DPEP2: variants seen among roughly 807,000 people sequenced by gnomAD.
DPEP2 encodes the protein dipeptidase 2.
In DPEP2, 45 loss-of-function variants were observed where a neutral mutation model predicts 51.8. The ratio of observed to expected loss-of-function variants is 0.87; its 90% CI spans 0.68 to 1.11. The LOEUF (loss-of-function observed/expected upper bound fraction) is 1.11, where lower values mean the gene tolerates loss of function less well. Ranked by LOEUF, DPEP2 falls within the 50% of genes most tolerant of loss-of-function variation. The pLI is 0.00. For missense variants in DPEP2, 604 were observed against 631.9 expected (o/e 0.96, Z 0.47); for synonymous variants, 255 against 262.7 (o/e 0.97, Z 0.28).
intron 1 of DPEP2, among the ~76,000 whole-genome samples, chr16:67,996,985 A>C (rs2032732113): frequency 6.8e-6 from 1 of 146,220 alleles, no homozygotes; most frequent in African/African-American, 2.5e-5. Context: ...CTGTCTGTAA[A>C]AAAATAGATA....
intron 1 of DPEP2, chr16:67,994,036 G>A (rs1191007281): frequency 3.6e-5 from 35 of 985,458 alleles, no homozygotes; most frequent in Non-Finnish European, 4.0e-5. Flanking sequence ...AGGGATGAGA[G>A]CGCAGCAAGC....
At position 67,991,910 on chromosome 16, in the gene DPEP2, A is replaced by G. The variant is rs750368497; in HGVS notation, c.590T>C (p.Leu197Pro). The G allele has an allele frequency of 6.2e-7, 1 of 1,614,084 alleles. No homozygotes were observed. The highest frequency in any genetic ancestry group is 8.5e-7 in the Non-Finnish European group (1 of 1,180,010). Residue 197 changes from leucine (L) to proline (P), a missense_variant, in exon 5 of 11, where the codon CTC (leucine) becomes CCC (proline). Transcript: ENST00000393847. The surrounding 1 kb of genome is among the most constrained non-coding windows in gnomAD (Gnocchi z 5.1). Reference sequence around the variant, plus strand: ...CATGTAGAAGGTACGTAAGATGGAGAGGCTATTGTCCAGCGAGTGGCCACC... The same window carrying G: ...CATGTAGAAGGTACGTAAGATGGAGGGGCTATTGTCCAGCGAGTGGCCACC... Reference protein sequence around the residue: ...VEGGHSLDNSLSILRTFYMLG... With the variant: ...VEGGHSLDNSPSILRTFYMLG...
chr16:67,994,639 G>C (rs1435514148), intron 1 of DPEP2: 1 of 983,934 alleles, frequency 1.0e-6, no homozygotes, highest in Non-Finnish European at 1.2e-6. Flanking sequence ...CACGTGGCAG[G>C]GCTGATCAGT....
intron 1 of DPEP2, among the ~76,000 whole-genome samples, chr16:67,996,073 C>T (rs1022449183): frequency 1.3e-5 from 2 of 152,084 alleles, no homozygotes; most frequent in Non-Finnish European, 2.9e-5. Flanking sequence ...AGGTCTTGCT[C>T]TGTCACCCAG....
chr16:67,992,227 G>A, intron 3 of DPEP2, 34 bp from the exon 4 acceptor site: 1 of 1,609,526 alleles, frequency 6.2e-7, no homozygotes, highest in African/African-American at 1.3e-5. Flanking sequence ...CTTGGATGGG[G>A]GCTGCTTTGG....
Position 67,989,393 on chromosome 16 carries a change from A to C in DPEP2, c.1000T>G (p.Phe334Val), listed in dbSNP as rs1235351787. The C allele has an allele frequency of 6.2e-7, 1 of 1,614,156 alleles. No individual in the cohort carries two copies. The highest frequency in any genetic ancestry group is 1.7e-5 in the Admixed American group (1 of 60,012). The change falls in exon 9 of 11, where the codon TTC (phenylalanine) becomes GTC (valine). Residue 334 changes from phenylalanine (F) to valine (V), a missense_variant. Transcript: ENST00000393847. The stretch of plus-strand genomic sequence containing the variant: ...CCAATGACAGCCTTGATGTGGTCGA[A>C]GTGATCTGGGGAGGGGGAAGGTGGA... ...SANVSTVADH[F>V]DHIKAVIGSK...
At chr16:67,988,118 C>A in intron 9 of DPEP2, 131 bp from the exon 10 acceptor site, 2 of 1,128,950 alleles carry the variant, frequency 1.8e-6, no homozygotes, top group Non-Finnish European at 2.5e-6. Context: ...GTAGGTAATT[C>A]TCCTCTGCTC....
rs73596357 is a variant in DPEP2 at position 67,991,453 on chromosome 16, C to T, written c.663-269G>A. Among the ~76,000 whole-genome samples the T allele has an allele frequency of 4.8e-3, 723 of 151,570 alleles. 6 individuals carry two copies. The highest frequency in any genetic ancestry group is 0.017 in the African/African-American group (684 of 41,286). On this transcript the variant is annotated intron_variant, in intron 5 of 10. Coordinates refer to ENST00000393847, the MANE Select transcript of DPEP2 (RefSeq NM_022355.4). This position sits in a 1 kb window ranked among gnomAD's most constrained non-coding sequence, Gnocchi z 5.1. ...GGTGCTGTCGTGCCATCTCAGCTCACTGAAACCTGCACCTCCTGGGTTCAA... is the reference window on the plus strand; with the variant it reads ...GGTGCTGTCGTGCCATCTCAGCTCATTGAAACCTGCACCTCCTGGGTTCAA...
At position 67,992,082 on chromosome 16, in the gene DPEP2, G is replaced by A; in HGVS notation, c.502C>T (p.Leu168Phe). Residue 168 changes from leucine (L) to phenylalanine (F), a missense_variant, in exon 4 of 11, where the codon CTT becomes TTT. Physicochemically the swap from Leu to Phe is conservative, Grantham distance 22. Coordinates refer to ENST00000393847, the MANE Select transcript of DPEP2 (RefSeq NM_022355.4). The part of the protein sequence containing the change: ...RMCASYSELE[L>F]VTSAKALNDT... ...TGCCTACCTTTAGCCGAGGTCACAA[G>A]CTCCAGCTCAGAATAGGAGGCACAC... 1.9e-6 allele frequency: 3 copies of A among 1,614,170 alleles called. No homozygotes were observed. Among genetic ancestry groups the A allele is most frequent in the Non-Finnish European group, 1.7e-6 (2 of 1,180,036 alleles).
At chr16:67,992,837 G>A (rs1053128160) in intron 2 of DPEP2, 113 bp downstream of exon 2, 2 of 1,483,634 alleles carry the variant, frequency 1.3e-6, no homozygotes, top group Middle Eastern at 1.8e-4. Flanking sequence ...ACGGGAGAGA[G>A]GGCATCCAGG....
chr16:67,999,610 G>C, upstream of DPEP2: 1 of 538,776 alleles, frequency 1.9e-6, no homozygotes, highest in Middle Eastern at 9.5e-4. Context: ...AGCCCACGAT[G>C]CCTGGCCTGT....
At chr16:67,995,446 G>A (rs2032636025) in intron 1 of DPEP2, among the ~76,000 whole-genome samples, 1 of 152,088 alleles carries the variant, frequency 6.6e-6, no homozygotes, top group African/African-American at 2.4e-5. Flanking sequence ...GGGTGGTTTG[G>A]GTACCCCAAC....
rs1567447690 is a variant in DPEP2, at chr16:67,992,093, G to T, written c.491C>A (p.Ser164Tyr). Residue 164 changes from serine to tyrosine, a missense_variant, in exon 4 of 11, where the codon TCT becomes TAT. Transcript: ENST00000393847. ...DLIRRMCASY[S>Y]ELELVTSAKA... ...AGCCGAGGTCACAAGCTCCAGCTCA[G>T]AATAGGAGGCACACATGCGGCGTAT... 1 of 1,614,170 alleles carries T rather than the reference G, an allele frequency of 6.2e-7. No individual in the cohort carries two copies. Among genetic ancestry groups the T allele is most frequent in the Non-Finnish European group, 8.5e-7 (1 of 1,180,032 alleles).
In DPEP2 at chr16:67,991,969, G is replaced by A; in HGVS notation, c.531C>T (p.Asp177=). The stretch of plus-strand genomic sequence containing the variant: ...CGATGAGGCAGGCCAATTTCTGAGT[G>A]TCGTTCAGAGCTGGGGGCAGGTAGG... ...ELVTSAKALN[D]TQKLACLIGV... is the part of the protein sequence containing the mutation. Residue 177 remains aspartate, a synonymous_variant, in exon 5 of 11, where the codon GAC becomes GAT. Coordinates refer to ENST00000393847, the MANE Select transcript of DPEP2 (RefSeq NM_022355.4). This position sits in a 1 kb window ranked among gnomAD's most constrained non-coding sequence, Gnocchi z 5.1. 6.2e-7 allele frequency: 1 copy of A among 1,614,220 alleles called. No homozygotes were observed. Among genetic ancestry groups the A allele is most frequent in the Non-Finnish European group, 8.5e-7 (1 of 1,180,038 alleles).
rs1598252011 is a variant in DPEP2, at chr16:67,987,679, G to T, written c.1288C>A (p.Leu430Ile). Residue 430 changes from leucine (L) to isoleucine (I), a missense_variant, in exon 11 of 11, where the codon CTC (leucine) becomes ATC (isoleucine). Coordinates refer to ENST00000393847, the MANE Select transcript of DPEP2 (RefSeq NM_022355.4). ...EQLSSSCHSD[L>I]SRLRQRQSLT... is the part of the protein sequence containing the mutation. ...CTCTGTCTCTGACGCAGACGTGAGA[G>T]GTCGGAGTGGCAGGAACTGCTCAGC... 4 of 1,614,204 alleles carry T rather than the reference G, an allele frequency of 2.5e-6. No homozygotes were observed. The highest frequency in any genetic ancestry group is 3.4e-6 in the Non-Finnish European group (4 of 1,180,036).
chr16:67,999,960 G>A (rs1181756443), upstream of DPEP2, among the ~76,000 whole-genome samples: 4 of 152,128 alleles, frequency 2.6e-5, no homozygotes, highest in African/African-American at 9.7e-5. Context: ...TTCTTCCGTG[G>A]CTTCTCATTG....
rs759825248 is a variant in DPEP2, at chr16:67,987,941, C to G, written c.1117G>C (p.Glu373Gln). ...EDVSTYPVLI[E>Q]ELLSRGWSEE... ...CTCCAGCCACGACTCAGCAACTCCT[C>G]TATCAGGACCGGGTATGTGGACACG... Residue 373 changes from glutamate (E) to glutamine (Q), a missense_variant, in exon 10 of 11, where the codon GAG (glutamate) becomes CAG (glutamine). By Grantham distance (29) the Glu-to-Gln change is conservative. Transcript: ENST00000393847. 6.2e-7 allele frequency: 1 copy of G among 1,614,182 alleles called. No individual in the cohort carries two copies. Among genetic ancestry groups the G allele is most frequent in the Non-Finnish European group, 8.5e-7 (1 of 1,180,040 alleles).
upstream of DPEP2, among the ~76,000 whole-genome samples, chr16:68,000,128 C>G (rs1011877050): frequency 1.3e-5 from 2 of 152,182 alleles, no homozygotes; most frequent in African/African-American, 4.8e-5. Context: ...GGCACAACCT[C>G]AGCCTCCAAT....
At chr16:67,997,729 G>A (rs2032783878) in intron 1 of DPEP2, among the ~76,000 whole-genome samples, 1 of 152,194 alleles carries the variant, frequency 6.6e-6, no homozygotes, top group South Asian at 2.1e-4. Flanking sequence ...AGATCAGGAG[G>A]GGTAAGGAAT....
Sources: allele counts gnomAD v4.1 joint callset (sites outside exome capture counted in the v4.1 genomes callset), GRCh38; gene constraint gnomAD v4.1.1; non-coding constraint Gnocchi (gnomAD v3.1); transcripts MANE v1.5; gene names NCBI Gene and HGNC (gene_info 2026-07-23, HGNC 2026-07-21).